The following MTSS1 variants were observed in gnomAD, a reference collection of about 807,000 sequenced individuals.
MTSS1 encodes protein MTSS 1.
A neutral mutation model predicts 79.0 loss-of-function variants in MTSS1; 18 were observed. That is an observed-to-expected ratio of 0.23 (90% confidence interval 0.16 to 0.34). MTSS1 has a LOEUF of 0.34. Among genes scored for constraint, MTSS1 ranks in the 10% least tolerant of loss-of-function variants. The probability of loss-of-function intolerance (pLI) is 1.00; values close to 1 mark genes in which losing one functional copy is unlikely to be tolerated. For synonymous variants in MTSS1, 341 were observed against 368.6 expected, an observed-to-expected ratio of 0.93 and a Z score of 0.86; for missense variants, 815 against 986.2, an observed-to-expected ratio of 0.83 and a Z score of 2.33.
At chr8:124,629,315 C>A (rs180755435) in intron 3 of MTSS1, among the ~76,000 whole-genome samples, 204 of 151,748 alleles carry the variant, frequency 1.3e-3, no homozygotes, top group African/African-American at 4.7e-3. Flanking sequence ...GAGATGGAGA[C>A]CATGCTGGCT....
chr8:124,577,987 G>A (rs1051034538), intron 6 of MTSS1, among the ~76,000 whole-genome samples: 20 of 152,214 alleles, frequency 1.3e-4, no homozygotes, highest in Admixed American at 3.3e-4. Context: ...GCATAGGCTG[G>A]ATACGGCTGG....
chr8:124,720,786 C>T (rs1466137836), intron 1 of MTSS1, among the ~76,000 whole-genome samples: 2 of 152,220 alleles, frequency 1.3e-5, no homozygotes, highest in Non-Finnish European at 2.9e-5. Context: ...ATACCTCATT[C>T]CCAAATCTAC....
intron 3 of MTSS1, among the ~76,000 whole-genome samples, chr8:124,640,133 G>C (rs1314562944): frequency 2.0e-5 from 3 of 152,136 alleles, no homozygotes; most frequent in African/African-American, 7.2e-5. Flanking sequence ...CCTCCCCTAG[G>C]CCTCACCAGC....
chr8:124,726,170 C>T (rs1319632162), intron 1 of MTSS1, among the ~76,000 whole-genome samples: 1 of 152,140 alleles, frequency 6.6e-6, no homozygotes, highest in Non-Finnish European at 1.5e-5. Flanking sequence ...CCCGTGAGTC[C>T]CCAGCCAGGG....
At chr8:124,711,708 T>G (rs1831190072) in intron 1 of MTSS1, among the ~76,000 whole-genome samples, 1 of 151,838 alleles carries the variant, frequency 6.6e-6, no homozygotes, top group Non-Finnish European at 1.5e-5. Flanking sequence ...CCCAACCACA[T>G]GAAAAAGAAA....
chr8:124,573,956 C>T (rs1390105255), intron 6 of MTSS1, among the ~76,000 whole-genome samples: 2 of 152,126 alleles, frequency 1.3e-5, no homozygotes, highest in Admixed American at 1.3e-4. Context: ...ATTGTGAATG[C>T]ACCATGTCAT....
At chr8:124,601,568 C>T (rs1471524772) in intron 3 of MTSS1, among the ~76,000 whole-genome samples, 3 of 152,232 alleles carry the variant, frequency 2.0e-5, no homozygotes, top group Admixed American at 1.3e-4. Flanking sequence ...ATAGTCTCTC[C>T]TTCCTCTCAA....
chr8:124,671,178 A>G (rs1282559356), intron 3 of MTSS1, among the ~76,000 whole-genome samples: 1 of 151,674 alleles, frequency 6.6e-6, no homozygotes. Flanking sequence ...TCCCTCAAAT[A>G]CTTTTCTCCC....
At chr8:124,654,476 C>A (rs980458101) in intron 3 of MTSS1, among the ~76,000 whole-genome samples, 24 of 152,130 alleles carry the variant, frequency 1.6e-4, no homozygotes, top group African/African-American at 5.8e-4. Context: ...TTCCTCCCTC[C>A]TCAAAGATCA....
At chr8:124,710,726 A>G (rs1039046251) in intron 1 of MTSS1, among the ~76,000 whole-genome samples, 1 of 152,238 alleles carries the variant, frequency 6.6e-6, no homozygotes, top group African/African-American at 2.4e-5. Context: ...CCGGTGCTCC[A>G]TAAATAATGC....
At chr8:124,693,286 T>C (rs1044693002) in intron 3 of MTSS1, among the ~76,000 whole-genome samples, 2 of 152,150 alleles carry the variant, frequency 1.3e-5, no homozygotes, top group Non-Finnish European at 2.9e-5. Flanking sequence ...TATGGCAAGA[T>C]GGCAAGAGGC....
intron 10 of MTSS1, among the ~76,000 whole-genome samples, chr8:124,559,506 T>A (rs6470250): frequency 6.6e-6 from 1 of 152,024 alleles, no homozygotes; most frequent in East Asian, 1.9e-4. Context: ...GTGGCCATTG[T>A]GGGGTGGAAT....
chr8:124,628,644 A>G lies in MTSS1; in HGVS notation c.209-37409T>C, dbSNP rs1293876344. On this transcript the variant is annotated intron_variant, in intron 3 of 13. Coordinates refer to ENST00000518547, the MANE Select transcript of MTSS1 (RefSeq NM_014751.6). ...GGGAACTTTCCCCATCGATGACAGC[A>G]ATTTCCCTAACATCTAATTATAGGC... Among the ~76,000 whole-genome samples the G allele has an allele frequency of 4.0e-4, 60 of 151,020 alleles. 1 individual carries two copies. Among genetic ancestry groups the G allele is most frequent in the Admixed American group, 3.9e-3 (59 of 15,204 alleles).
chr8:124,583,604 G>A (rs1399189304), intron 6 of MTSS1, among the ~76,000 whole-genome samples: 8 of 152,264 alleles, frequency 5.3e-5, no homozygotes, highest in Non-Finnish European at 7.3e-5. Context: ...AAAACTGAGT[G>A]GTGGAAGAGC....
At chr8:124,698,382 C>G (rs1218496773) in intron 3 of MTSS1, among the ~76,000 whole-genome samples, 1 of 151,974 alleles carries the variant, frequency 6.6e-6, no homozygotes, top group African/African-American at 2.4e-5. Flanking sequence ...ACAAGAAGAC[C>G]CAGAAAGACA....
rs7834261 is a variant in MTSS1, at chr8:124,568,097, C to T, written c.618+282G>A. 4,858 of 736,234 alleles carry T rather than the reference C, an allele frequency of 6.6e-3. 108 individuals are homozygous for T. Among genetic ancestry groups the T allele is most frequent in the African/African-American group, 0.062 (3,505 of 56,560 alleles). 45.6% of individuals were successfully genotyped at this position (736,234 alleles called of 1,614,324 possible). A position where few individuals can be genotyped will look rare whatever the true frequency, so the allele number is the denominator to read the frequency against. On this transcript the variant is annotated intron_variant, in intron 7 of 13. Coordinates refer to ENST00000518547, the MANE Select transcript of MTSS1 (RefSeq NM_014751.6). Reference sequence around the variant, plus strand: ...AACTTGCATTTCTAGCCAGTTCCCACGTGATGCTGCTGACCTGGGGACCTC... The same window carrying T: ...AACTTGCATTTCTAGCCAGTTCCCATGTGATGCTGCTGACCTGGGGACCTC...
chr8:124,590,519 G>A (rs572973638), intron 4 of MTSS1, among the ~76,000 whole-genome samples: 4 of 152,302 alleles, frequency 2.6e-5, no homozygotes, highest in South Asian at 4.2e-4. Context: ...TGCCAGCCTC[G>A]GGGTTACTGA....
chr8:124,563,796 C>T (rs942749274), intron 9 of MTSS1, among the ~76,000 whole-genome samples: 1 of 152,092 alleles, frequency 6.6e-6, no homozygotes, highest in African/African-American at 2.4e-5. Flanking sequence ...AATGACACAC[C>T]CGCTCTGGAT....
chr8:124,617,045 TG>T (rs1216864459), intron 3 of MTSS1, among the ~76,000 whole-genome samples: 6 of 86,846 alleles, frequency 6.9e-5, no homozygotes, highest in African/African-American at 5.7e-4. Flanking sequence ...ATGGAAATGC[TG>T]TCCATAAGTG....
Sources: gnomAD v4.1 joint callset for allele counts (sites outside exome capture counted in the v4.1 genomes callset) on GRCh38, gnomAD v4.1.1 for gene constraint, MANE v1.5 for transcripts, NCBI Gene and HGNC (gene_info 2026-07-23, HGNC 2026-07-21) for gene names.